Variants in UGT1A8 observed in about 807,000 individuals in gnomAD.
UGT1A8 encodes UDP-glucuronosyltransferase 1A8.
In UGT1A8, 39 loss-of-function variants were observed where a neutral mutation model predicts 45.3. That is an observed-to-expected ratio of 0.86 (90% CI 0.67 to 1.12). The LOEUF is 1.12. Ranked by LOEUF, UGT1A8 falls within the 50% of genes most tolerant of loss-of-function variation. The probability of loss-of-function intolerance (pLI) is 0.00; values close to 1 mark genes in which losing one functional copy is unlikely to be tolerated. For missense variants in UGT1A8, 719 were observed against 664.9 expected (o/e 1.08, Z -0.90); for synonymous variants, 275 against 249.2 (o/e 1.10, Z -0.97).
At chr2:233,635,245 A>C (rs2073260065) in intron 1 of UGT1A8, among the ~76,000 whole-genome samples, 1 of 149,942 alleles carries the variant, frequency 6.7e-6, no homozygotes, top group Non-Finnish European at 1.5e-5. Context: ...TTTTTCCTTC[A>C]TTTCAACGTT....
intron 1 of UGT1A8, among the ~76,000 whole-genome samples, chr2:233,745,582 T>C (rs1693150962): frequency 6.6e-6 from 1 of 151,630 alleles, no homozygotes; most frequent in Admixed American, 6.6e-5. Context: ...TGACATAACC[T>C]GAGACCCGGA....
chr2:233,670,873 G>C (rs1559333208), intron 1 of UGT1A8, among the ~76,000 whole-genome samples: 3 of 152,192 alleles, frequency 2.0e-5, no homozygotes, highest in African/African-American at 7.2e-5. Flanking sequence ...ACAAAGTAAT[G>C]ATAGAACCAA....
At chr2:233,772,141 A>G in intron 4 of UGT1A8, 121 bp from the exon 5 acceptor site, 1 of 1,549,926 alleles carries the variant, frequency 6.5e-7, no homozygotes, top group South Asian at 1.2e-5. Context: ...CAATAATAGA[A>G]ACAGGTTTCC....
chr2:233,754,633 C>G (rs1196115983), intron 1 of UGT1A8: 1 of 444,794 alleles, frequency 2.2e-6, no homozygotes, highest in Non-Finnish European at 4.5e-6. Context: ...TCCACCCTTT[C>G]TTGGCCATTC....
At chr2:233,637,706 C>T (rs2073339045) in intron 1 of UGT1A8, among the ~76,000 whole-genome samples, 1 of 152,066 alleles carries the variant, frequency 6.6e-6, no homozygotes, top group African/African-American at 2.4e-5. Context: ...AGTTGAAATG[C>T]TCTTAAGTTT....
At chr2:233,648,130 G>A (rs2073648120) in intron 1 of UGT1A8, 1 of 1,327,318 alleles carries the variant, frequency 7.5e-7, no homozygotes, top group African/African-American at 1.5e-5. Context: ...TGCTCAATGG[G>A]AAGCAGAAGT....
intron 1 of UGT1A8, among the ~76,000 whole-genome samples, chr2:233,706,502 G>A (rs2075911233): frequency 6.6e-6 from 1 of 152,232 alleles, no homozygotes; most frequent in Non-Finnish European, 1.5e-5. Context: ...AGGCTGGTGT[G>A]ATGCTGAGGA....
chr2:233,674,101 T>G (rs914581606), intron 1 of UGT1A8, among the ~76,000 whole-genome samples: 3 of 152,206 alleles, frequency 2.0e-5, no homozygotes, highest in Admixed American at 1.3e-4. Flanking sequence ...TTTGGAGGGA[T>G]GGAGTATACA....
At chr2:233,645,478 C>G (rs2073575392) in intron 1 of UGT1A8, among the ~76,000 whole-genome samples, 1 of 152,238 alleles carries the variant, frequency 6.6e-6, no homozygotes, top group African/African-American at 2.4e-5. Context: ...CAAGTCCCTT[C>G]CACCTATGGG....
At position 233,769,778 on chromosome 2, in the gene UGT1A8, C is replaced by T. The variant is rs1165754282; in HGVS notation, c.1295+1339C>T. On this transcript the variant is annotated intron_variant, in intron 4 of 4. Coordinates refer to ENST00000373450, the MANE Select transcript of UGT1A8 (RefSeq NM_019076.5). The surrounding 1 kb of genome is among the most constrained non-coding windows in gnomAD (Gnocchi z 4.4). Reference sequence around the variant, plus strand: ...GCTAAGGCGGGAGGATTGCTTGAGCCCAGAAGTTGGAGGCTGCTATGAGCC... The same window carrying T: ...GCTAAGGCGGGAGGATTGCTTGAGCTCAGAAGTTGGAGGCTGCTATGAGCC... 2 of 1,373,484 alleles carry T rather than the reference C, an allele frequency of 1.5e-6. No individual in the cohort carries two copies. Among genetic ancestry groups the T allele is most frequent in the East Asian group, 5.2e-5 (2 of 38,786 alleles). The allele number at this position is 1,373,484 out of a possible 1,614,324, so 85.1% of individuals were successfully genotyped here.
In UGT1A8 at chr2:233,682,092, G is replaced by T. The variant is rs770615417; in HGVS notation, c.855+63530G>T. ...GTGGTGGAGAAACTCATCCTCAGGGGGCATGAGGTGGTCGTAGTCATGCCA... is the reference window on the plus strand; with the variant it reads ...GTGGTGGAGAAACTCATCCTCAGGGTGCATGAGGTGGTCGTAGTCATGCCA... On this transcript the variant is annotated intron_variant, in intron 1 of 4. Coordinates refer to ENST00000373450, the MANE Select transcript of UGT1A8 (RefSeq NM_019076.5). 3.5e-5 allele frequency: 56 copies of T among 1,614,070 alleles called. 2 individuals are homozygous for T. The South Asian group carries it at 5.9e-4, about 17-fold the overall frequency.
At chr2:233,719,660 C>T (rs1180675848) in intron 1 of UGT1A8, 1 of 1,614,116 alleles carries the variant, frequency 6.2e-7, no homozygotes, top group South Asian at 1.1e-5. Flanking sequence ...GGGGCATCAA[C>T]TGTGCCAACG....
intron 1 of UGT1A8, among the ~76,000 whole-genome samples, chr2:233,715,004 G>T (rs1008928974): frequency 2.6e-5 from 4 of 152,136 alleles, no homozygotes; most frequent in African/African-American, 4.8e-5. Context: ...AGCCTCCCAA[G>T]TAGCTGGAAC....
chr2:233,637,967 T>C (rs536803669), intron 1 of UGT1A8, among the ~76,000 whole-genome samples: 16 of 152,280 alleles, frequency 1.1e-4, no homozygotes, highest in African/African-American at 2.4e-4. Flanking sequence ...CCAATTAATA[T>C]TGATATATAT....
intron 1 of UGT1A8, among the ~76,000 whole-genome samples, chr2:233,626,134 T>C (rs2073080815): frequency 6.6e-6 from 1 of 151,998 alleles, no homozygotes; most frequent in Admixed American, 6.6e-5. Context: ...TACATCATAA[T>C]TACTGTCTGT....
chr2:233,742,094 GA>G (rs1559385588), intron 1 of UGT1A8: 1 of 151,908 alleles, frequency 6.6e-6, no homozygotes, highest in East Asian at 1.9e-4. Context: ...ACATTTCCAG[GA>G]CCCACTGCCA....
intron 1 of UGT1A8, among the ~76,000 whole-genome samples, chr2:233,652,089 T>C (rs888858367): frequency 6.6e-6 from 1 of 152,188 alleles, no homozygotes; most frequent in African/African-American, 2.4e-5. Flanking sequence ...TCAGGATTAC[T>C]CTTTACCATC....
chr2:233,695,435 C>CT (rs747907611), intron 1 of UGT1A8, among the ~76,000 whole-genome samples: 38 of 130,502 alleles, frequency 2.9e-4, no homozygotes, highest in Middle Eastern at 4.3e-3. Flanking sequence ...TCTTCTTCTT[C>CT]TTTTTTTTTT....
At chr2:233,738,690 T>C (rs1178120168) in intron 1 of UGT1A8, among the ~76,000 whole-genome samples, 2 of 152,174 alleles carry the variant, frequency 1.3e-5, no homozygotes, top group African/African-American at 2.4e-5. Flanking sequence ...TTGGAACTTA[T>C]GTTTAAAAGG....
Sources: allele counts gnomAD v4.1 joint callset (sites outside exome capture counted in the v4.1 genomes callset), GRCh38; gene constraint gnomAD v4.1.1; non-coding constraint Gnocchi (gnomAD v3.1); transcripts MANE v1.5; gene names NCBI Gene and HGNC (gene_info 2026-07-23, HGNC 2026-07-21).